PDE4DIP: variants seen among roughly 807,000 people sequenced by gnomAD.
The protein encoded by PDE4DIP is phosphodiesterase 4D interacting protein.
Under a neutral mutation model 221.4 loss-of-function variants are expected in PDE4DIP, and 59 were observed. The observed-to-expected ratio is 0.27, with a 90% CI of 0.22 to 0.33. PDE4DIP has a LOEUF of 0.33. Among genes scored for constraint, PDE4DIP ranks in the 10% least tolerant of loss-of-function variants. PDE4DIP has a pLI of 1.00. For synonymous variants in PDE4DIP, 404 were observed against 815.9 expected, an observed-to-expected ratio of 0.50 and a Z score of 8.60; for missense variants, 1,036 against 2,154.2, an observed-to-expected ratio of 0.48 and a Z score of 10.28.
In PDE4DIP at chr1:148,990,405, C is replaced by T. The variant is rs2062790237; in HGVS notation, c.2816-1480C>T. The T allele has an allele frequency of 1.5e-5, 14 of 952,102 alleles. No individual in the cohort carries two copies. The South Asian group carries it at 5.8e-4, about 40-fold the overall frequency. The allele number at this position is 952,102 out of a possible 1,614,324, so 59.0% of individuals were successfully genotyped here. On this transcript the variant is annotated intron_variant, in intron 21 of 43. Coordinates refer to ENST00000369354, the Ensembl canonical transcript of PDE4DIP. ...TACGGAGATAAGGTAAGCCCCTTAT[C>T]TGTATTGGGTAGTGAATGCTCATGA...
intron 5 of PDE4DIP, chr1:148,953,896 C>G (rs782739865): frequency 1.4e-4 from 230 of 1,612,376 alleles, no homozygotes; most frequent in Non-Finnish European, 1.9e-4. Flanking sequence ...ATTTGCCGCT[C>G]CGGGTCCAGG....
chr1:148,877,058 A>G (rs1691718828), intron 3 of PDE4DIP, among the ~76,000 whole-genome samples: 1 of 146,174 alleles, frequency 6.8e-6, no homozygotes, highest in South Asian at 2.1e-4. Context: ...ATGAGTGTTT[A>G]TATTTCAGTA....
chr1:148,981,519 T>G lies in PDE4DIP; in HGVS notation c.2815+122T>G, dbSNP rs182694564. On this transcript the variant is annotated intron_variant, in intron 21 of 43. Coordinates refer to ENST00000369354, the Ensembl canonical transcript of PDE4DIP. ...AACCAGAAAGATCCTTGTCTGATTTTGGCAGAATTAAACGGTGACTTACTA... is the reference window on the plus strand; with the variant it reads ...AACCAGAAAGATCCTTGTCTGATTTGGGCAGAATTAAACGGTGACTTACTA... 1.3e-4 allele frequency: 161 copies of G among 1,265,448 alleles called. 1 individual carries two copies. The East Asian group carries it at 3.1e-3, about 24-fold the overall frequency. The allele number at this position is 1,265,448 out of a possible 1,614,324, so 78.4% of individuals were successfully genotyped here. A position where few individuals can be genotyped will look rare whatever the true frequency, so the allele number is the denominator to read the frequency against.
At chr1:148,985,059 T>C (rs1553547954) in intron 21 of PDE4DIP, 2 of 152,074 alleles carry the variant, frequency 1.3e-5, no homozygotes, top group African/African-American at 4.8e-5. Context: ...TTGAAGTGAG[T>C]TTTCCATTTT....
At position 149,012,580 on chromosome 1, in the gene PDE4DIP, T is replaced by C. The variant is rs781804574; in HGVS notation, c.5081-11T>C. The C allele has an allele frequency of 1.9e-6, 3 of 1,579,176 alleles. No individual in the cohort carries two copies. The highest frequency in any genetic ancestry group is 1.9e-5 in the Admixed American group (1 of 51,436). Reference sequence around the variant, plus strand: ...GATGTGTCTCTTTTCTCCTTAACTTTCTTTTCCTAGGCTTTCATTTTCACT... The same window carrying C: ...GATGTGTCTCTTTTCTCCTTAACTTCCTTTTCCTAGGCTTTCATTTTCACT... On this transcript the variant is annotated splice_polypyrimidine_tract_variant and intron_variant, in intron 31 of 43. Coordinates refer to ENST00000369354, the Ensembl canonical transcript of PDE4DIP.
At chr1:148,823,461 C>G (rs1234384927) in intron 1 of PDE4DIP, among the ~76,000 whole-genome samples, 3 of 148,696 alleles carry the variant, frequency 2.0e-5, no homozygotes, top group Non-Finnish European at 4.5e-5. Context: ...GGTTCACTGC[C>G]CAGAATAATA....
intron 1 of PDE4DIP, among the ~76,000 whole-genome samples, chr1:148,892,088 A>G (rs1553437643): frequency 8.7e-6 from 1 of 114,524 alleles, no homozygotes; most frequent in East Asian, 5.4e-4. Flanking sequence ...GCTCACTGCA[A>G]CCTCCGCCTC....
intron 4 of PDE4DIP, among the ~76,000 whole-genome samples, chr1:148,934,640 G>A (rs1314416211): frequency 6.6e-6 from 1 of 152,142 alleles, no homozygotes; most frequent in East Asian, 1.9e-4. Context: ...GTCTCGCTCT[G>A]TTGCCCAGGG....
At chr1:148,955,168 A>T (rs1410718511) in intron 5 of PDE4DIP, among the ~76,000 whole-genome samples, 2 of 152,306 alleles carry the variant, frequency 1.3e-5, no homozygotes, top group Non-Finnish European at 2.9e-5. Flanking sequence ...AACACTGTGT[A>T]CTTCTTTTCT....
intron 1 of PDE4DIP, among the ~76,000 whole-genome samples, chr1:148,890,802 T>C (rs1471932007): frequency 2.4e-5 from 2 of 82,002 alleles, no homozygotes; most frequent in Non-Finnish European, 4.3e-5. Context: ...TGGCACTATG[T>C]TGTCCAGGCT....
intron 32 of PDE4DIP, among the ~76,000 whole-genome samples, chr1:149,013,083 G>A: frequency 6.6e-6 from 1 of 152,336 alleles, no homozygotes; most frequent in Middle Eastern, 3.4e-3. Flanking sequence ...ACTGCTCATT[G>A]GTTGGGGGTG....
In PDE4DIP at chr1:148,992,394, G is replaced by A. The variant is rs587751518; in HGVS notation, c.2904+421G>A. ...GTGGCAGGGCGGAGGACCTGCTTGG[G>A]AAGAAACTCCAAGAAGATTGGAATG... On this transcript the variant is annotated intron_variant, in intron 22 of 43. Coordinates refer to ENST00000369354, the Ensembl canonical transcript of PDE4DIP. 728 of 1,466,386 alleles carry A rather than the reference G, an allele frequency of 5.0e-4. 11 individuals are homozygous for A. The East Asian group carries it at 0.018, about 35-fold the overall frequency. 90.8% of individuals were successfully genotyped at this position (1,466,386 alleles called of 1,614,324 possible).
intron 4 of PDE4DIP, among the ~76,000 whole-genome samples, chr1:148,934,856 A>C (rs1434072083): frequency 6.6e-6 from 1 of 152,028 alleles, no homozygotes; most frequent in Admixed American, 6.5e-5. Flanking sequence ...CGCCTGCCTC[A>C]GCCTCCCAAA....
chr1:148,962,955 C>T (rs1269771772), intron 9 of PDE4DIP, among the ~76,000 whole-genome samples: 4 of 152,192 alleles, frequency 2.6e-5, no homozygotes, highest in African/African-American at 7.2e-5. Flanking sequence ...TGCAGTGGCG[C>T]GATCTCCGCT....
chr1:149,013,311 G>A (rs1405145958), intron 32 of PDE4DIP, among the ~76,000 whole-genome samples: 2 of 131,832 alleles, frequency 1.5e-5, no homozygotes, highest in Non-Finnish European at 3.2e-5. Flanking sequence ...CACAGGGTTG[G>A]TCCCTGCCCT....
chr1:148,990,351 GA>G, intron 21 of PDE4DIP: 3 of 985,348 alleles, frequency 3.0e-6, no homozygotes, highest in Non-Finnish European at 3.6e-6. Flanking sequence ...GAGATGAGAT[GA>G]GCATTTATTT....
chr1:148,893,055 A>G (rs2596260), intron 1 of PDE4DIP, among the ~76,000 whole-genome samples: 18 of 77,720 alleles, frequency 2.3e-4, no homozygotes, highest in East Asian at 8.2e-4. Flanking sequence ...TTATATATAT[A>G]TGTGTGTGTC....
chr1:148,976,094 T>A (rs2060125250), intron 17 of PDE4DIP, among the ~76,000 whole-genome samples: 1 of 151,996 alleles, frequency 6.6e-6, no homozygotes, highest in Non-Finnish European at 1.5e-5. Context: ...ATGTCAGATA[T>A]TTTAGTTTCC....
chr1:148,990,411 T>C lies in PDE4DIP; in HGVS notation c.2816-1474T>C, dbSNP rs587614868. 5 of 924,416 alleles carry C rather than the reference T, an allele frequency of 5.4e-6. No individual in the cohort carries two copies. In the Admixed American group the frequency reaches 3.1e-4, roughly 57 times the overall value. 57.3% of individuals were successfully genotyped at this position (924,416 alleles called of 1,614,324 possible). A position where few individuals can be genotyped will look rare whatever the true frequency, so the allele number is the denominator to read the frequency against. ...GATAAGGTAAGCCCCTTATCTGTATTGGGTAGTGAATGCTCATGATTCAAG... is the reference window on the plus strand; with the variant it reads ...GATAAGGTAAGCCCCTTATCTGTATCGGGTAGTGAATGCTCATGATTCAAG... On this transcript the variant is annotated intron_variant, in intron 21 of 43. Transcript: ENST00000369354.
Sources: allele counts gnomAD v4.1 joint callset (sites outside exome capture counted in the v4.1 genomes callset), GRCh38; gene constraint gnomAD v4.1.1; transcripts MANE v1.5; gene names NCBI Gene and HGNC (gene_info 2026-07-23, HGNC 2026-07-21).